Variants in CDIN1 observed in about 807,000 individuals in gnomAD.
CDIN1 encodes the protein CDAN1-interacting nuclease 1.
CDIN1 carries 33 observed loss-of-function variants against 45.3 expected under a neutral mutation model. That is an observed-to-expected ratio of 0.73 (90% confidence interval 0.55 to 0.97). The LOEUF (loss-of-function observed/expected upper bound fraction) is 0.97. Ranked by LOEUF, CDIN1 falls within the 50% of genes least tolerant of loss-of-function variation. The pLI is 0.00. For synonymous variants in CDIN1, 118 were observed against 124.4 expected (o/e 0.95, Z 0.34); for missense variants, 303 against 339.4 (o/e 0.89, Z 0.84).
chr15:36,605,266 A>C (rs2038306172), intron 1 of CDIN1, among the ~76,000 whole-genome samples: 1 of 152,208 alleles, frequency 6.6e-6, no homozygotes, highest in Non-Finnish European at 1.5e-5. Flanking sequence ...CAAATTTATA[A>C]ACTGCAAAGA....
intron 5 of CDIN1, among the ~76,000 whole-genome samples, chr15:36,675,015 A>G (rs144981886): frequency 5.3e-4 from 81 of 152,148 alleles, no homozygotes; most frequent in African/African-American, 1.9e-3. Context: ...TTCTCACATC[A>G]ACCCTTTTTC....
chr15:36,653,013 A>AT (rs939152567), intron 3 of CDIN1, among the ~76,000 whole-genome samples: 10 of 152,186 alleles, frequency 6.6e-5, no homozygotes, highest in East Asian at 3.8e-4. Context: ...GTATAAGGTG[A>AT]TTTTTTATTA....
At position 36,692,278 on chromosome 15, in the gene CDIN1, A is replaced by G. The variant is rs1209310872; in HGVS notation, c.476+103A>G. 6 of 1,042,282 alleles carry G rather than the reference A, an allele frequency of 5.8e-6. No homozygotes were observed. The Admixed American group carries it at 9.7e-5, about 17-fold the overall frequency. 64.6% of individuals were successfully genotyped at this position (1,042,282 alleles called of 1,614,324 possible). A position where few individuals can be genotyped will look rare whatever the true frequency, so the allele number is the denominator to read the frequency against. On this transcript the variant is annotated intron_variant, in intron 7 of 10. Coordinates refer to ENST00000566621, the MANE Select transcript of CDIN1 (RefSeq NM_001321759.2). ...CATAAAGTTCTGCTTCACAAAACAC[A>G]TTTCATACTCTTCTATTTTACATTC...
At chr15:36,683,981 C>G (rs927665003) in intron 5 of CDIN1, among the ~76,000 whole-genome samples, 2 of 139,528 alleles carry the variant, frequency 1.4e-5, no homozygotes, top group African/African-American at 5.3e-5. Flanking sequence ...TGGGCTGAGA[C>G]AATGGAGTTT....
rs187583012 is a variant in CDIN1, at chr15:36,799,595, T to G, written c.717-8729T>G. 29 of 152,346 alleles carry G rather than the reference T, an allele frequency of 1.9e-4. No homozygotes were observed. The East Asian group carries it at 5.6e-3, about 29-fold the overall frequency. 9.4% of individuals were successfully genotyped at this position (152,346 alleles called of 1,614,324 possible). A position where few individuals can be genotyped will look rare whatever the true frequency, so the allele number is the denominator to read the frequency against. The stretch of plus-strand genomic sequence containing the variant: ...TTTTCCAGGAAGACTTCTAGAATCA[T>G]TGTCATTGCTCTAATTAGTCTGTTA... On this transcript the variant is annotated intron_variant, in intron 10 of 10. Coordinates refer to ENST00000566621, the MANE Select transcript of CDIN1 (RefSeq NM_001321759.2).
chr15:36,662,751 A>C (rs2140491142), intron 5 of CDIN1, among the ~76,000 whole-genome samples: 1 of 152,318 alleles, frequency 6.6e-6, no homozygotes, highest in African/African-American at 2.4e-5. Context: ...GATAAAACTC[A>C]TCAAAGAACT....
At chr15:36,617,533 G>A in intron 1 of CDIN1, 2 of 824,258 alleles carry the variant, frequency 2.4e-6, no homozygotes, top group South Asian at 1.3e-5. Context: ...AATGGATAGT[G>A]ATCAGTTCAT....
intron 10 of CDIN1, among the ~76,000 whole-genome samples, chr15:36,759,854 A>G (rs2053711696): frequency 6.6e-6 from 1 of 152,100 alleles, no homozygotes; most frequent in Non-Finnish European, 1.5e-5. Flanking sequence ...AAACAACCAG[A>G]TCTTGTGAGA....
At chr15:36,610,579 G>T (rs1441231975) in intron 1 of CDIN1, among the ~76,000 whole-genome samples, 2 of 152,256 alleles carry the variant, frequency 1.3e-5, no homozygotes, top group African/African-American at 2.4e-5. Context: ...GCGTGTGAGT[G>T]TGTATGTGGG....
chr15:36,709,050 G>A (rs1057221155), intron 8 of CDIN1, 173 bp from the exon 9 acceptor site: 15 of 431,044 alleles, frequency 3.5e-5, no homozygotes, highest in Admixed American at 1.7e-4. Flanking sequence ...GCATATTTAC[G>A]CTTCAGTGTT....
intron 10 of CDIN1, among the ~76,000 whole-genome samples, chr15:36,775,902 A>G (rs2054207075): frequency 6.6e-6 from 1 of 152,198 alleles, no homozygotes; most frequent in South Asian, 2.1e-4. Flanking sequence ...GTACGTATGT[A>G]TGTATTCATT....
chr15:36,781,061 A>C (rs1387615677), intron 10 of CDIN1, among the ~76,000 whole-genome samples: 1 of 152,226 alleles, frequency 6.6e-6, no homozygotes, highest in Non-Finnish European at 1.5e-5. Flanking sequence ...GACAGGAAAG[A>C]TTGTTAAATA....
intron 1 of CDIN1, among the ~76,000 whole-genome samples, chr15:36,611,173 G>A (rs991982766): frequency 6.6e-6 from 1 of 152,212 alleles, no homozygotes; most frequent in African/African-American, 2.4e-5. Context: ...TTTAGGTACA[G>A]TTGGAGAATC....
In CDIN1 at chr15:36,781,556, G is replaced by A. The variant is rs544978467; in HGVS notation, c.717-26768G>A. Among the ~76,000 whole-genome samples the A allele has an allele frequency of 3.3e-5, 5 of 152,308 alleles. No homozygotes were observed. The South Asian group carries it at 8.3e-4, about 25-fold the overall frequency. ...AATAGGTGTCCATTCTGCATCTTGA[G>A]TCCATTCCTTTCCAAATGACTGAAA... On this transcript the variant is annotated intron_variant, in intron 10 of 10. Transcript: ENST00000566621.
chr15:36,654,272 A>G (rs2040692023), intron 4 of CDIN1, 114 bp downstream of exon 4: 3 of 767,226 alleles, frequency 3.9e-6, no homozygotes, highest in East Asian at 5.5e-5. Flanking sequence ...TTTGAGGTGC[A>G]TTAGACATTT....
In CDIN1 at chr15:36,625,257, G is replaced by T. The variant is rs562850889; in HGVS notation, c.102-19021G>T. Among the ~76,000 whole-genome samples, 44 of 151,338 alleles carry T rather than the reference G, an allele frequency of 2.9e-4. 1 individual carries two copies. The South Asian group carries it at 9.0e-3, about 31-fold the overall frequency. On this transcript the variant is annotated intron_variant, in intron 1 of 10. Coordinates refer to ENST00000566621, the MANE Select transcript of CDIN1 (RefSeq NM_001321759.2). ...GATTGCGCCACTGCACTCCAGCCTGGACGACAGAGCGAGACCCTGTCTCAA... is the reference window on the plus strand; with the variant it reads ...GATTGCGCCACTGCACTCCAGCCTGTACGACAGAGCGAGACCCTGTCTCAA...
Position 36,579,740 on chromosome 15 carries a change from C to G in CDIN1, c.-121C>G. 2.7e-6 allele frequency: 2 copies of G among 740,666 alleles called. No individual in the cohort carries two copies. The highest frequency in any genetic ancestry group is 1.8e-5 in the African/African-American group (1 of 56,770). The allele number at this position is 740,666 out of a possible 1,614,324, so 45.9% of individuals were successfully genotyped here. On this transcript the variant is annotated 5_prime_UTR_variant, in exon 1 of 11. Coordinates refer to ENST00000566621, the MANE Select transcript of CDIN1 (RefSeq NM_001321759.2). Reference sequence around the variant, plus strand: ...TGTTTCAGGGGGGATTGGGGCAAGCCAAGCAGGCGAGGACCCGGGCCTGTG... The same window carrying G: ...TGTTTCAGGGGGGATTGGGGCAAGCGAAGCAGGCGAGGACCCGGGCCTGTG...
intron 10 of CDIN1, among the ~76,000 whole-genome samples, chr15:36,781,069 A>G (rs2054340048): frequency 6.6e-6 from 1 of 152,236 alleles, no homozygotes; most frequent in African/African-American, 2.4e-5. Flanking sequence ...AGATTGTTAA[A>G]TAATTACAAG....
intron 1 of CDIN1, chr15:36,595,065 G>T: frequency 3.2e-6 from 1 of 308,518 alleles, no homozygotes; most frequent in Non-Finnish European, 4.7e-6. Flanking sequence ...TGTAACCTTG[G>T]AACTGAAAAT....
Sources: allele counts gnomAD v4.1 joint callset (sites outside exome capture counted in the v4.1 genomes callset), GRCh38; gene constraint gnomAD v4.1.1; transcripts MANE v1.5; gene names NCBI Gene and HGNC (gene_info 2026-07-23, HGNC 2026-07-21).